MACROD2: variants seen among roughly 807,000 people sequenced by gnomAD.
The protein encoded by MACROD2 is mono-ADP ribosylhydrolase 2.
In MACROD2, 36 loss-of-function variants were observed where a neutral mutation model predicts 70.4. That is an observed-to-expected ratio of 0.51 (90% confidence interval 0.39 to 0.68). MACROD2 has a LOEUF of 0.68. MACROD2 is among the 30% of genes least tolerant of loss of function. MACROD2 has a pLI of 0.00. For synonymous variants in MACROD2, 172 were observed against 178.8 expected, an observed-to-expected ratio of 0.96 and a Z score of 0.30; for missense variants, 496 against 538.4, an observed-to-expected ratio of 0.92 and a Z score of 0.78.
At chr20:14,704,575 G>C (rs6042870) in intron 5 of MACROD2, among the ~76,000 whole-genome samples, 90,951 of 151,912 alleles carry the variant, frequency 0.6, 27,526 homozygotes, top group East Asian at 0.7. Flanking sequence ...GAAACTCAAA[G>C]GAAGATATCC....
At chr20:14,723,907 G>A (rs931586612) in intron 5 of MACROD2, among the ~76,000 whole-genome samples, 1 of 151,970 alleles carries the variant, frequency 6.6e-6, no homozygotes, top group African/African-American at 2.4e-5. Context: ...TTGTAATCTG[G>A]AGTCTTTTCA....
intron 3 of MACROD2, among the ~76,000 whole-genome samples, chr20:14,270,525 G>T (rs564809467): frequency 1.1e-3 from 165 of 148,618 alleles, no homozygotes; most frequent in African/African-American, 3.8e-3. Flanking sequence ...GGAGGCTCAG[G>T]TTGCAGTGAG....
intron 8 of MACROD2, among the ~76,000 whole-genome samples, chr20:15,799,785 C>T (rs1213980763): frequency 6.6e-6 from 1 of 152,144 alleles, no homozygotes; most frequent in Non-Finnish European, 1.5e-5. Context: ...TATTTGATTT[C>T]CTTTCCTTTT....
chr20:14,325,676 T>G (rs995204675), intron 3 of MACROD2: 14 of 1,613,762 alleles, frequency 8.7e-6, no homozygotes, highest in Admixed American at 1.7e-5. Context: ...ATGGTGTGTA[T>G]TACAAACTCC....
intron 5 of MACROD2, among the ~76,000 whole-genome samples, chr20:14,979,808 A>G (rs1220139097): frequency 1.3e-5 from 2 of 152,218 alleles, no homozygotes; most frequent in African/African-American, 4.8e-5. Flanking sequence ...ATAGAATAAT[A>G]TGAACTTTGG....
intron 14 of MACROD2, 114 bp from the exon 15 acceptor site, chr20:15,986,952 T>C (rs1352419789): frequency 2.7e-6 from 3 of 1,115,326 alleles, no homozygotes; most frequent in Non-Finnish European, 4.0e-6. Flanking sequence ...GGTGTACCTA[T>C]TGAAACTTGA....
chr20:15,306,785 G>A (rs2077701780), intron 6 of MACROD2, among the ~76,000 whole-genome samples: 1 of 152,104 alleles, frequency 6.6e-6, no homozygotes, highest in Admixed American at 6.6e-5. Flanking sequence ...CCCCTGTAAT[G>A]CTTTCAAATT....
chr20:14,067,258 G>T (rs561949194), intron 2 of MACROD2, among the ~76,000 whole-genome samples: 45 of 151,296 alleles, frequency 3.0e-4, no homozygotes, highest in Middle Eastern at 6.8e-3. Context: ...CTAGTAGCTG[G>T]GACTACTAGT....
chr20:15,379,984 A>C (rs1286765306), intron 6 of MACROD2, among the ~76,000 whole-genome samples: 2 of 150,178 alleles, frequency 1.3e-5, no homozygotes, highest in African/African-American at 2.5e-5. Context: ...AGTAAATTGG[A>C]AAACAGATCT....
intron 7 of MACROD2, among the ~76,000 whole-genome samples, chr20:15,456,180 T>G (rs2046722669): frequency 6.6e-6 from 1 of 152,098 alleles, no homozygotes; most frequent in Non-Finnish European, 1.5e-5. Context: ...GAAAAGAATC[T>G]CTTTGAACTA....
intron 6 of MACROD2, among the ~76,000 whole-genome samples, chr20:15,324,677 A>C (rs1449458955): frequency 6.6e-6 from 1 of 152,160 alleles, no homozygotes; most frequent in Non-Finnish European, 1.5e-5. Context: ...AAACACCTAA[A>C]TAGAGACTGG....
At chr20:15,907,828 G>A (rs1601106244) in intron 10 of MACROD2, among the ~76,000 whole-genome samples, 1 of 152,282 alleles carries the variant, frequency 6.6e-6, no homozygotes, top group East Asian at 1.9e-4. Context: ...AGGGCTGTGT[G>A]CTCAGTTGCC....
chr20:15,771,536 T>C (rs1384695799), intron 8 of MACROD2, among the ~76,000 whole-genome samples: 2 of 151,766 alleles, frequency 1.3e-5, no homozygotes, highest in East Asian at 3.9e-4. Context: ...TTTGTCTAAA[T>C]TTTCTATTTA....
chr20:14,032,380 G>C (rs2053255942), intron 2 of MACROD2, among the ~76,000 whole-genome samples: 1 of 152,018 alleles, frequency 6.6e-6, no homozygotes, highest in African/African-American at 2.4e-5. Context: ...ACTTCCAAAT[G>C]ACCCTTCAAA....
At chr20:15,283,940 A>G (rs2077469143) in intron 6 of MACROD2, among the ~76,000 whole-genome samples, 1 of 151,904 alleles carries the variant, frequency 6.6e-6, no homozygotes, top group Non-Finnish European at 1.5e-5. Flanking sequence ...CCTATCCCTT[A>G]TTTTCCCAGT....
chr20:14,865,381 C>G (rs1266259515), intron 5 of MACROD2, among the ~76,000 whole-genome samples: 10 of 151,936 alleles, frequency 6.6e-5, no homozygotes, highest in Admixed American at 6.6e-4. Context: ...TGACTCACTG[C>G]TACTTATTTG....
chr20:16,038,114 T>C (rs185905036), intron 15 of MACROD2, among the ~76,000 whole-genome samples: 36 of 151,902 alleles, frequency 2.4e-4, no homozygotes, highest in African/African-American at 7.7e-4. Flanking sequence ...GTTATGAATT[T>C]ATCTATAAGT....
intron 8 of MACROD2, among the ~76,000 whole-genome samples, chr20:15,637,145 G>A (rs2049382550): frequency 6.6e-6 from 1 of 152,174 alleles, no homozygotes; most frequent in South Asian, 2.1e-4. Flanking sequence ...GGAGCTCAGG[G>A]ACACCATGGG....
intron 5 of MACROD2, among the ~76,000 whole-genome samples, chr20:15,068,353 C>T (rs1487320496): frequency 1.3e-5 from 2 of 152,128 alleles, no homozygotes; most frequent in East Asian, 1.9e-4. Context: ...ACCAATTGGT[C>T]ATGATTTTGA....
Sources: allele counts gnomAD v4.1 joint callset (sites outside exome capture counted in the v4.1 genomes callset), GRCh38; gene constraint gnomAD v4.1.1; transcripts MANE v1.5; gene names NCBI Gene and HGNC (gene_info 2026-07-23, HGNC 2026-07-21).